MTFR2: variants seen among roughly 807,000 people sequenced by gnomAD.
MTFR2 encodes DUF729 domain-containing protein 1.
A neutral mutation model predicts 41.2 loss-of-function variants in MTFR2; 44 were observed. That is an observed-to-expected ratio of 1.07 (90% confidence interval 0.84 to 1.37). The LOEUF is 1.37. MTFR2 is among the 40% of genes most tolerant of loss of function. The probability of loss-of-function intolerance (pLI) is 0.00; values close to 1 mark genes in which losing one functional copy is unlikely to be tolerated. For missense variants in MTFR2, 452 were observed against 459.5 expected, an observed-to-expected ratio of 0.98 and a Z score of 0.15; for synonymous variants, 141 against 154.6, an observed-to-expected ratio of 0.91 and a Z score of 0.65.
intron 5 of MTFR2, 79 bp downstream of exon 5, chr6:136,241,365 C>T (rs1780064616): frequency 8.2e-6 from 9 of 1,102,954 alleles, no homozygotes; most frequent in Non-Finnish European, 1.2e-5. Context: ...ATATTCAGTA[C>T]AGTATCATGC....
At chr6:136,239,857 A>G in intron 5 of MTFR2, 37 bp from the exon 6 acceptor site, 1 of 1,509,646 alleles carries the variant, frequency 6.6e-7, no homozygotes, top group East Asian at 2.3e-5. Flanking sequence ...ATCATGCACA[A>G]TTATCTCTAA....
intron 5 of MTFR2, 126 bp from the exon 6 acceptor site, chr6:136,239,946 G>C: frequency 1.4e-6 from 1 of 707,486 alleles, no homozygotes; most frequent in Non-Finnish European, 2.3e-6. Flanking sequence ...TGGTAGCAAG[G>C]AAAGAGTGTC....
chr6:136,239,515 A>G lies in MTFR2; in HGVS notation c.820T>C (p.Leu274=), dbSNP rs200864358. The G allele has an allele frequency of 6.5e-5, 105 of 1,614,160 alleles. 1 individual carries two copies. In the Admixed American group the frequency reaches 1.7e-3, roughly 27 times the overall value. ...TTATTCATATCCTTTAGAACGTCCA[A>G]CATGTTTGGAATATCTTTATTTCTC... ...SQRNKDIPNM[L]DVLKDMNKVK... Residue 274 remains leucine, a synonymous_variant, in exon 6 of 8, where the codon TTG becomes CTG. Transcript: ENST00000420702.
chr6:136,233,551 G>A (rs9494489), intron 6 of MTFR2, 52 bp from the exon 7 acceptor site: 1 of 1,348,042 alleles, frequency 7.4e-7, no homozygotes, highest in African/African-American at 1.5e-5. Context: ...TGTAATTTTA[G>A]CTCCTTGTTG....
intron 6 of MTFR2, 123 bp downstream of exon 6, chr6:136,239,343 G>T: frequency 1.5e-6 from 1 of 653,944 alleles, no homozygotes; most frequent in Non-Finnish European, 2.5e-6. Context: ...CTCTAGGAGA[G>T]GTATTCAGGG....
intron 6 of MTFR2, 70 bp from the exon 7 acceptor site, chr6:136,233,569 T>A: frequency 1.7e-6 from 2 of 1,163,352 alleles, no homozygotes; most frequent in Non-Finnish European, 2.3e-6. Flanking sequence ...TTGACAAACA[T>A]GGCAGGAATA....
intron 2 of MTFR2, among the ~76,000 whole-genome samples, chr6:136,247,815 A>G (rs1394818087): frequency 6.6e-6 from 1 of 152,210 alleles, no homozygotes; most frequent in East Asian, 1.9e-4. Context: ...GAATGTTTCA[A>G]TCACATCTAA....
At chr6:136,239,964 T>A (rs1392837294) in intron 5 of MTFR2, 144 bp from the exon 6 acceptor site, 6 of 642,124 alleles carry the variant, frequency 9.3e-6, no homozygotes, top group Non-Finnish European at 1.6e-5. Context: ...GTCAATCCCA[T>A]CTGCTTAGTA....
chr6:136,238,046 G>T (rs1779954385), intron 6 of MTFR2, among the ~76,000 whole-genome samples: 1 of 152,236 alleles, frequency 6.6e-6, no homozygotes, highest in Admixed American at 6.5e-5. Context: ...CCAAAAATTA[G>T]AAATAGAACT....
At chr6:136,232,734 C>A (rs1779795926) in intron 7 of MTFR2, among the ~76,000 whole-genome samples, 1 of 152,082 alleles carries the variant, frequency 6.6e-6, no homozygotes, top group African/African-American at 2.4e-5. Context: ...TGAAAACCAC[C>A]CCAAAATTAG....
At chr6:136,236,396 G>C (rs1288794568) in intron 6 of MTFR2, among the ~76,000 whole-genome samples, 1 of 152,220 alleles carries the variant, frequency 6.6e-6, no homozygotes, top group African/African-American at 2.4e-5. Context: ...GAATCTGTAG[G>C]TGTAAAGAGG....
intron 7 of MTFR2, among the ~76,000 whole-genome samples, chr6:136,231,721 C>A (rs1174826303): frequency 2.1e-5 from 3 of 144,308 alleles, no homozygotes; most frequent in African/African-American, 5.4e-5. Flanking sequence ...TTGTAATTGG[C>A]TGGAAAAAGT....
At chr6:136,233,227 C>T in intron 7 of MTFR2, 98 bp downstream of exon 7, 1 of 1,049,358 alleles carries the variant, frequency 9.5e-7, no homozygotes, top group Non-Finnish European at 1.4e-6. Context: ...ATAGCCCATT[C>T]TGCACAATTA....
rs1779826100 is a variant in MTFR2, at chr6:136,233,556, T to C, written c.870-57A>G. ...AAAACTTGGATGTAATTTTAGCTCC[T>C]TGTTGACAAACATGGCAGGAATACA... On this transcript the variant is annotated intron_variant, in intron 6 of 7. Coordinates refer to ENST00000420702, the MANE Select transcript of MTFR2 (RefSeq NM_001099286.3). The C allele has an allele frequency of 3.1e-6, 4 of 1,309,056 alleles. No individual in the cohort carries two copies. The African/African-American group carries it at 6.0e-5, about 20-fold the overall frequency. The allele number at this position is 1,309,056 out of a possible 1,614,324, so 81.1% of individuals were successfully genotyped here.
chr6:136,244,565 C>G (rs951652296), intron 3 of MTFR2, among the ~76,000 whole-genome samples, 200 bp downstream of exon 3: 1 of 152,120 alleles, frequency 6.6e-6, no homozygotes, highest in African/African-American at 2.4e-5. Context: ...ATGTATCCCC[C>G]CATCATTAAA....
chr6:136,232,215 G>A (rs949560157), intron 7 of MTFR2, among the ~76,000 whole-genome samples: 8 of 151,844 alleles, frequency 5.3e-5, no homozygotes, highest in Non-Finnish European at 2.9e-5. Context: ...GAGTGGCAAT[G>A]TGTGTGTGTG....
rs758292533 is a variant in MTFR2, at chr6:136,241,591, T to C, written c.367A>G (p.Arg123Gly). 37 of 1,614,058 alleles carry C rather than the reference T, an allele frequency of 2.3e-5. No individual in the cohort carries two copies. Among genetic ancestry groups the C allele is most frequent in the Non-Finnish European group, 3.0e-5 (35 of 1,180,036 alleles). ...LVRDPLSPAV[R>G]QKETVKNDLP... is the part of the protein sequence containing the mutation. ...TCATTTTTCACAGTTTCTTTCTGTC[T>C]TACAGCAGGTGACAGTGGATCCCGA... Residue 123 changes from arginine (R) to glycine (G), a missense_variant, in exon 5 of 8, where the codon AGA becomes GGA. Coordinates refer to ENST00000420702, the MANE Select transcript of MTFR2 (RefSeq NM_001099286.3).
chr6:136,243,464 T>C (rs1780134270), intron 3 of MTFR2, among the ~76,000 whole-genome samples: 1 of 152,064 alleles, frequency 6.6e-6, no homozygotes, highest in Non-Finnish European at 1.5e-5. Flanking sequence ...CCCAGCACTT[T>C]GGGAGGCCAA....
At chr6:136,247,446 C>A (rs1489935094) in intron 2 of MTFR2, 9 of 452,294 alleles carry the variant, frequency 2.0e-5, no homozygotes, top group African/African-American at 1.8e-4. Flanking sequence ...TTAATTAGAT[C>A]CCTTGCCCAA....
Sources: allele counts gnomAD v4.1 joint callset (sites outside exome capture counted in the v4.1 genomes callset), GRCh38; gene constraint gnomAD v4.1.1; transcripts MANE v1.5; gene names NCBI Gene and HGNC (gene_info 2026-07-23, HGNC 2026-07-21).